Variants in ROR1 observed in about 807,000 individuals in gnomAD.
ROR1 encodes inactive tyrosine-protein kinase transmembrane receptor ROR1.
A neutral mutation model predicts 78.8 loss-of-function variants in ROR1; 19 were observed. That is an observed-to-expected ratio of 0.24 (90% CI 0.17 to 0.35). The LOEUF (loss-of-function observed/expected upper bound fraction) is 0.35. Among genes scored for constraint, ROR1 ranks in the 10% least tolerant of loss-of-function variants. ROR1 has a pLI of 1.00. For synonymous variants in ROR1, 386 were observed against 433.6 expected, an observed-to-expected ratio of 0.89 and a Z score of 1.36; for missense variants, 917 against 1,177.8, an observed-to-expected ratio of 0.78 and a Z score of 3.24.
At chr1:64,092,664 T>C (rs1244447704) in intron 4 of ROR1, among the ~76,000 whole-genome samples, 1 of 152,138 alleles carries the variant, frequency 6.6e-6, no homozygotes, top group Admixed American at 6.6e-5. Flanking sequence ...GAAAACCTAC[T>C]CCAAAAAAGT....
chr1:63,964,354 G>A (rs1401542635), intron 1 of ROR1, among the ~76,000 whole-genome samples: 1 of 151,994 alleles, frequency 6.6e-6, no homozygotes, highest in East Asian at 1.9e-4. Flanking sequence ...GGCTTCCCTG[G>A]GATAAATAAA....
At chr1:64,005,691 A>G (rs1475357875) in intron 1 of ROR1, among the ~76,000 whole-genome samples, 1 of 152,214 alleles carries the variant, frequency 6.6e-6, no homozygotes, top group East Asian at 1.9e-4. Context: ...CCTTTCAGTG[A>G]AGAAAAAAAG....
At chr1:64,098,889 G>C (rs907169743) in intron 4 of ROR1, among the ~76,000 whole-genome samples, 1 of 152,168 alleles carries the variant, frequency 6.6e-6, no homozygotes, top group Non-Finnish European at 1.5e-5. Flanking sequence ...AAATATCGGG[G>C]CTATGGGTGA....
chr1:63,834,593 T>C (rs748456429), intron 1 of ROR1, among the ~76,000 whole-genome samples: 2 of 152,222 alleles, frequency 1.3e-5, no homozygotes, highest in Non-Finnish European at 2.9e-5. Context: ...GATGAGCACA[T>C]GGGACTTAGG....
intron 1 of ROR1, among the ~76,000 whole-genome samples, chr1:63,946,151 C>T (rs1645887209): frequency 6.6e-6 from 1 of 152,170 alleles, no homozygotes; most frequent in Admixed American, 6.5e-5. Flanking sequence ...CTTCTGTTGG[C>T]TGGTGTGTGG....
intron 8 of ROR1, 50 bp from the exon 9 acceptor site, chr1:64,177,378 T>A: frequency 2.8e-6 from 4 of 1,413,262 alleles, no homozygotes; most frequent in Middle Eastern, 1.8e-4. Context: ...TGCAAAGCTG[T>A]CTTGCCTGAA....
At chr1:63,970,437 GTAA>G (rs960115499) in intron 1 of ROR1, among the ~76,000 whole-genome samples, 13 of 152,316 alleles carry the variant, frequency 8.5e-5, no homozygotes, top group African/African-American at 3.1e-4. Flanking sequence ...AGGTTACACA[GTAA>G]TAATAATAAC....
chr1:63,813,257 A>T (rs558374484), intron 1 of ROR1, among the ~76,000 whole-genome samples: 2 of 152,248 alleles, frequency 1.3e-5, no homozygotes, highest in African/African-American at 4.8e-5. Flanking sequence ...AGTTTTAGGG[A>T]TTTGTAGAAT....
At chr1:64,015,302 T>C (rs1034178769) in intron 2 of ROR1, among the ~76,000 whole-genome samples, 3 of 152,166 alleles carry the variant, frequency 2.0e-5, no homozygotes, top group Admixed American at 6.5e-5. Context: ...ATCAATTACC[T>C]AAGGTGGTTT....
chr1:63,863,561 G>C (rs182983243), intron 1 of ROR1, among the ~76,000 whole-genome samples: 1 of 152,150 alleles, frequency 6.6e-6, no homozygotes, highest in East Asian at 1.9e-4. Flanking sequence ...ATGCAAAGCT[G>C]TGTGCTTGCC....
intron 1 of ROR1, among the ~76,000 whole-genome samples, chr1:63,928,781 A>T (rs996507025): frequency 1.3e-5 from 2 of 152,224 alleles, no homozygotes; most frequent in Non-Finnish European, 2.9e-5. Context: ...AAATGGGTTA[A>T]TACAAATAAA....
At chr1:64,053,335 C>T (rs1404317367) in intron 4 of ROR1, among the ~76,000 whole-genome samples, 1 of 152,172 alleles carries the variant, frequency 6.6e-6, no homozygotes, top group Non-Finnish European at 1.5e-5. Context: ...TGTAGGGACC[C>T]TTGGGACTAT....
At chr1:64,009,161 C>A in intron 1 of ROR1, 144 bp from the exon 2 acceptor site, 1 of 645,870 alleles carries the variant, frequency 1.5e-6, no homozygotes, top group Non-Finnish European at 2.8e-6. Context: ...AGCCACCATT[C>A]CAGTCTAATA....
intron 1 of ROR1, among the ~76,000 whole-genome samples, chr1:63,815,345 A>G (rs1406147031): frequency 2.6e-5 from 4 of 151,976 alleles, no homozygotes; most frequent in Admixed American, 2.0e-4. Flanking sequence ...TGGATAAGCA[A>G]TTCTGTTGTT....
chr1:63,983,697 C>T (rs1199590561), intron 1 of ROR1, among the ~76,000 whole-genome samples: 2 of 152,154 alleles, frequency 1.3e-5, no homozygotes, highest in African/African-American at 4.8e-5. Context: ...GCCTTTAGCG[C>T]CTCATTGTCC....
intron 2 of ROR1, among the ~76,000 whole-genome samples, chr1:64,039,588 C>T (rs992006173): frequency 6.6e-6 from 1 of 152,170 alleles, no homozygotes; most frequent in Non-Finnish European, 1.5e-5. Flanking sequence ...GGGCTCTCTA[C>T]CAGAGCTGAA....
At chr1:64,027,483 C>T (rs1420685187) in intron 2 of ROR1, among the ~76,000 whole-genome samples, 3 of 152,110 alleles carry the variant, frequency 2.0e-5, no homozygotes, top group East Asian at 1.9e-4. Context: ...GAGTTTCTTG[C>T]GGTTTTTACC....
chr1:64,129,363 T>C (rs1051625070), intron 4 of ROR1, among the ~76,000 whole-genome samples: 11 of 152,196 alleles, frequency 7.2e-5, no homozygotes, highest in Non-Finnish European at 1.3e-4. Context: ...GTAACACTTG[T>C]GGTAGAAAAT....
At chr1:64,146,495 A>G (rs1649477843) in intron 7 of ROR1, among the ~76,000 whole-genome samples, 1 of 152,182 alleles carries the variant, frequency 6.6e-6, no homozygotes, top group Non-Finnish European at 1.5e-5. Flanking sequence ...AAAGAAAGAA[A>G]GAAAAGAAAA....
Sources: gnomAD v4.1 joint callset for allele counts (sites outside exome capture counted in the v4.1 genomes callset) on GRCh38, gnomAD v4.1.1 for gene constraint, MANE v1.5 for transcripts, NCBI Gene and HGNC (gene_info 2026-07-23, HGNC 2026-07-21) for gene names.